The following DHRSX variants were observed in gnomAD, a reference collection of about 807,000 sequenced individuals.
The protein encoded by DHRSX is dehydrogenase/reductase X-linked.
Under a neutral mutation model 34.0 loss-of-function variants are expected in DHRSX, and 31 were observed. That is an observed-to-expected ratio of 0.91 (90% CI 0.69 to 1.23). The LOEUF is 1.23. DHRSX is among the 50% of genes most tolerant of loss of function. The probability of loss-of-function intolerance (pLI) is 0.00; values close to 1 mark genes in which losing one functional copy is unlikely to be tolerated. For missense variants in DHRSX, 414 were observed against 428.1 expected (o/e 0.97, Z 0.29); for synonymous variants, 201 against 183.8 (o/e 1.09, Z -0.76).
intron 5 of DHRSX, among the ~76,000 whole-genome samples, chrX:2,246,706 G>GACAAAGAA (rs1435900895): frequency 9.3e-6 from 1 of 107,406 alleles, no homozygotes; most frequent in Admixed American, 1.1e-4. Flanking sequence ...AAGAAAGAAA[G>GACAAAGAA]AGAAAGAAAG....
intron 1 of DHRSX, among the ~76,000 whole-genome samples, chrX:2,467,052 C>T (rs1246553688): frequency 9.3e-6 from 1 of 107,312 alleles, no homozygotes; most frequent in African/African-American, 3.5e-5. Context: ...GAGACAAGAG[C>T]AAAAGTCCAT....
In DHRSX at chrX:2,362,090, GAA is replaced by G. The variant is rs369071257; in HGVS notation, c.286+46653_286+46654del. 4.5e-3 allele frequency among the ~76,000 whole-genome samples: 680 copies of G among 152,274 alleles called. 1 individual carries two copies. The highest frequency in any genetic ancestry group is 0.012 in the African/African-American group (514 of 41,568). ...AGAAAAGGAAGGCTGGAGTGGATTG[GAA>G]AAGAGGCTACAGGCTAAGAACTTTT... On this transcript the variant is annotated intron_variant, in intron 3 of 6. Transcript: ENST00000334651.
At chrX:2,467,442 T>A (rs6641572) in intron 1 of DHRSX, among the ~76,000 whole-genome samples, 31,975 of 152,000 alleles carry the variant, frequency 0.21, 4,154 homozygotes, top group African/African-American at 0.38. Flanking sequence ...CAGTCAGCTC[T>A]CCACACGGGT....
chrX:2,353,111 A>G (rs2042807376), intron 3 of DHRSX, among the ~76,000 whole-genome samples: 1 of 152,138 alleles, frequency 6.6e-6, no homozygotes, highest in Admixed American at 6.6e-5. Context: ...AGGGCATGGT[A>G]GCACGTGCCT....
At chrX:2,445,844 G>T (rs1278837948) in intron 1 of DHRSX, among the ~76,000 whole-genome samples, 1 of 147,898 alleles carries the variant, frequency 6.8e-6, no homozygotes, top group East Asian at 2.0e-4. Flanking sequence ...TACACACTGA[G>T]GACGTTCCCT....
chrX:2,226,810 A>G (rs184101820), intron 6 of DHRSX, among the ~76,000 whole-genome samples: 41 of 151,804 alleles, frequency 2.7e-4, no homozygotes, highest in Admixed American at 1.2e-3. Flanking sequence ...AAAAAGAAAG[A>G]AAAAAAAGAA....
At chrX:2,440,967 C>T (rs1477075073) in intron 1 of DHRSX, among the ~76,000 whole-genome samples, 1 of 152,112 alleles carries the variant, frequency 6.6e-6, no homozygotes, top group East Asian at 1.9e-4. Flanking sequence ...CTGAGGCAGC[C>T]GAATGAGAAT....
intron 3 of DHRSX, among the ~76,000 whole-genome samples, chrX:2,340,446 CTG>C (rs779075679): frequency 1.3e-5 from 2 of 150,634 alleles, no homozygotes; most frequent in South Asian, 2.1e-4. Context: ...GTGCGTCTGT[CTG>C]TGTGTGTGTG....
At chrX:2,255,796 C>T (rs1162683979) in intron 5 of DHRSX, among the ~76,000 whole-genome samples, 1 of 151,504 alleles carries the variant, frequency 6.6e-6, no homozygotes, top group Non-Finnish European at 1.5e-5. Context: ...TGCCTGTAGT[C>T]CCAGCTACCC....
intron 1 of DHRSX, among the ~76,000 whole-genome samples, chrX:2,458,957 T>C (rs963589885): frequency 4.0e-5 from 6 of 151,806 alleles, no homozygotes; most frequent in Admixed American, 1.3e-4. Flanking sequence ...CTGAGCAACA[T>C]AGCAAGACCC....
intron 3 of DHRSX, among the ~76,000 whole-genome samples, chrX:2,361,726 T>C (rs987339912): frequency 4.0e-4 from 61 of 152,180 alleles, no homozygotes; most frequent in Non-Finnish European, 6.5e-4. Flanking sequence ...GTCTCACTCC[T>C]ATACAGAACA....
rs2041527236 is a variant in DHRSX at position 2,269,933 on chromosome X, A to G, written c.389-2986T>C. ...GTATATGTACATCTGCATAGCGTACATCTTTTTCTATGCATATGCATTTGT... is the reference window on the plus strand; with the variant it reads ...GTATATGTACATCTGCATAGCGTACGTCTTTTTCTATGCATATGCATTTGT... On this transcript the variant is annotated intron_variant, in intron 4 of 6. Coordinates refer to ENST00000334651, the MANE Select transcript of DHRSX (RefSeq NM_145177.3). 6.6e-5 allele frequency among the ~76,000 whole-genome samples: 10 copies of G among 152,158 alleles called. 1 individual carries two copies. In the South Asian group the frequency reaches 2.1e-3, roughly 32 times the overall value.
chrX:2,354,358 T>C (rs1200137438), intron 3 of DHRSX, among the ~76,000 whole-genome samples: 1 of 152,200 alleles, frequency 6.6e-6, no homozygotes, highest in Admixed American at 6.5e-5. Flanking sequence ...ACGCCACTGC[T>C]GGGATGACAC....
At chrX:2,290,530 C>T (rs1389642027) in intron 4 of DHRSX, among the ~76,000 whole-genome samples, 3 of 152,096 alleles carry the variant, frequency 2.0e-5, no homozygotes, top group African/African-American at 4.8e-5. Context: ...GATCCTTTTG[C>T]TGATTTTTTT....
chrX:2,332,291 A>G (rs2042489097), intron 3 of DHRSX, among the ~76,000 whole-genome samples: 1 of 152,194 alleles, frequency 6.6e-6, no homozygotes, highest in South Asian at 2.1e-4. Flanking sequence ...GGGTGTGGGT[A>G]GCTCGTAAGA....
At chrX:2,331,510 C>T (rs1284411236) in intron 3 of DHRSX, among the ~76,000 whole-genome samples, 5 of 134,072 alleles carry the variant, frequency 3.7e-5, no homozygotes, top group South Asian at 2.4e-4. Flanking sequence ...TGCCATAGCG[C>T]GATCTTGGCT....
intron 1 of DHRSX, among the ~76,000 whole-genome samples, chrX:2,492,358 C>T (rs767363724): frequency 1.3e-5 from 2 of 151,146 alleles, no homozygotes; most frequent in East Asian, 2.0e-4. Context: ...TGGAGTGATG[C>T]GGCCACAAAC....
chrX:2,429,928 G>GA (rs2043896425), intron 1 of DHRSX, among the ~76,000 whole-genome samples: 1 of 152,146 alleles, frequency 6.6e-6, no homozygotes, highest in Non-Finnish European at 1.5e-5. Context: ...TAGTCAGATA[G>GA]AAAACTCAGA....
At chrX:2,465,998 T>C (rs997633018) in intron 1 of DHRSX, among the ~76,000 whole-genome samples, 1 of 152,038 alleles carries the variant, frequency 6.6e-6, no homozygotes, top group African/African-American at 2.4e-5. Flanking sequence ...GCCATTCCAA[T>C]AGAAAACATT....
Sources: gnomAD v4.1 joint callset for allele counts (sites outside exome capture counted in the v4.1 genomes callset) on GRCh38, gnomAD v4.1.1 for gene constraint, MANE v1.5 for transcripts, NCBI Gene and HGNC (gene_info 2026-07-23, HGNC 2026-07-21) for gene names.